The following MSRA variants were observed in gnomAD, a reference collection of about 807,000 sequenced individuals.
MSRA encodes the protein methionine sulfoxide reductase A.
Under a neutral mutation model 31.3 loss-of-function variants are expected in MSRA, and 54 were observed. The observed-to-expected ratio is 1.73, with a 90% CI of 1.39 to 2.17. The LOEUF is 2.17. Ranked by LOEUF, MSRA falls within the 30% of genes most tolerant of loss-of-function variation. The pLI, the probability that MSRA is intolerant of heterozygous loss-of-function variation, is 0.00. For synonymous variants in MSRA, 169 were observed against 116.5 expected (o/e 1.45, Z -2.90); for missense variants, 507 against 300.9 (o/e 1.69, Z -5.07).
At chr8:10,345,605 A>G (rs1563376111) in intron 5 of MSRA, among the ~76,000 whole-genome samples, 1 of 152,248 alleles carries the variant, frequency 6.6e-6, no homozygotes, top group Non-Finnish European at 1.5e-5. Context: ...ATTATTACAA[A>G]TAATAATTAT....
At chr8:10,142,452 ACTGCCCTTCAGTGGTTTAAGTGGAAAG>A (rs1251340430) in intron 1 of MSRA, among the ~76,000 whole-genome samples, 1 of 152,230 alleles carries the variant, frequency 6.6e-6, no homozygotes, top group Non-Finnish European at 1.5e-5. Context: ...TCTAGGCTGC[ACTGCCCTTCAGTGGTTTAAGTGGAAAG>A]CCATGGATCA....
At chr8:10,065,694 G>C (rs752557152) in intron 1 of MSRA, among the ~76,000 whole-genome samples, 8 of 152,238 alleles carry the variant, frequency 5.3e-5, no homozygotes, top group African/African-American at 1.9e-4. Context: ...ATTTATGAAA[G>C]AGCTGAAGTC....
intron 3 of MSRA, among the ~76,000 whole-genome samples, chr8:10,293,069 G>A (rs998985102): frequency 6.6e-5 from 10 of 152,146 alleles, no homozygotes; most frequent in African/African-American, 9.7e-5. Context: ...CTGAGCCTTG[G>A]CTTTCCTCTC....
At chr8:10,403,473 G>T (rs1006470424) in intron 5 of MSRA, among the ~76,000 whole-genome samples, 2 of 152,240 alleles carry the variant, frequency 1.3e-5, no homozygotes, top group African/African-American at 4.8e-5. Context: ...GGATGGCTAG[G>T]CCCTGGCTGG....
chr8:10,067,271 T>C (rs1437235281), intron 1 of MSRA, among the ~76,000 whole-genome samples: 1 of 152,212 alleles, frequency 6.6e-6, no homozygotes, highest in Non-Finnish European at 1.5e-5. Flanking sequence ...TGGAATTATA[T>C]AGTATATAGC....
At chr8:10,247,561 G>A (rs1296240573) in intron 3 of MSRA, among the ~76,000 whole-genome samples, 1 of 152,176 alleles carries the variant, frequency 6.6e-6, no homozygotes, top group Non-Finnish European at 1.5e-5. Context: ...GCCAGTTCAT[G>A]CAAACAGCTG....
At chr8:10,167,646 C>T (rs758772133) in intron 1 of MSRA, among the ~76,000 whole-genome samples, 3 of 152,218 alleles carry the variant, frequency 2.0e-5, no homozygotes, top group Non-Finnish European at 4.4e-5. Flanking sequence ...GAGGAGCGTA[C>T]TTAGCATCTT....
chr8:10,170,145 C>T (rs1805474206), intron 1 of MSRA, among the ~76,000 whole-genome samples: 1 of 151,128 alleles, frequency 6.6e-6, no homozygotes, highest in Non-Finnish European at 1.5e-5. Context: ...TTTGGCCTCC[C>T]AAAGTGCTGG....
At chr8:10,389,413 T>C (rs1806595238) in intron 5 of MSRA, among the ~76,000 whole-genome samples, 1 of 152,240 alleles carries the variant, frequency 6.6e-6, no homozygotes, top group Non-Finnish European at 1.5e-5. Context: ...CTTTGCAATA[T>C]TTTTTAAACG....
chr8:10,373,790 C>A (rs1805607860), intron 5 of MSRA, among the ~76,000 whole-genome samples: 1 of 152,212 alleles, frequency 6.6e-6, no homozygotes, highest in African/African-American at 2.4e-5. Flanking sequence ...ACTTTGGAGC[C>A]CAGCAGAGGA....
In MSRA at chr8:10,135,449, A is replaced by C. The variant is rs376790863; in HGVS notation, c.143-72384A>C. On this transcript the variant is annotated intron_variant, in intron 1 of 5. Transcript: ENST00000317173. ...AAGAAGTCATTTTATTGTGCTGAAAAACAGTGGAAGTAAAGTTACCAACGA... is the reference window on the plus strand; with the variant it reads ...AAGAAGTCATTTTATTGTGCTGAAACACAGTGGAAGTAAAGTTACCAACGA... Among the ~76,000 whole-genome samples the C allele has an allele frequency of 2.6e-5, 4 of 152,338 alleles. No homozygotes were observed. The East Asian group carries it at 5.8e-4, about 22-fold the overall frequency.
At chr8:10,176,602 C>T (rs570232489) in intron 1 of MSRA, among the ~76,000 whole-genome samples, 7 of 152,330 alleles carry the variant, frequency 4.6e-5, no homozygotes, top group African/African-American at 1.4e-4. Context: ...TTAACTTTTC[C>T]CCAAATACTG....
rs10089697 is a variant in MSRA, at chr8:10,257,857, G to A, written c.331+12634G>A. ...TTTTCTGACAGGACATGCTTGATGG[G>A]ACTGATGTCTCCAGCCAGGTCAGCG... On this transcript the variant is annotated intron_variant, in intron 3 of 5. Coordinates refer to ENST00000317173, the MANE Select transcript of MSRA (RefSeq NM_012331.5). 1.2e-4 allele frequency among the ~76,000 whole-genome samples: 19 copies of A among 152,274 alleles called. 1 individual carries two copies. The highest frequency in any genetic ancestry group is 4.6e-4 in the African/African-American group (19 of 41,570).
chr8:10,340,852 C>G (rs1281283393), intron 5 of MSRA, among the ~76,000 whole-genome samples: 2 of 152,254 alleles, frequency 1.3e-5, no homozygotes, highest in East Asian at 3.9e-4. Context: ...CTTCTCTGTT[C>G]ACTTGGTCCC....
intron 5 of MSRA, among the ~76,000 whole-genome samples, chr8:10,341,371 C>A (rs942302828): frequency 6.6e-6 from 1 of 152,064 alleles, no homozygotes; most frequent in Non-Finnish European, 1.5e-5. Context: ...AGGTGCCACA[C>A]GTTTTGAAAG....
chr8:10,198,115 GT>G (rs200612802), intron 1 of MSRA, among the ~76,000 whole-genome samples: 5 of 151,198 alleles, frequency 3.3e-5, no homozygotes, highest in Admixed American at 6.6e-5. Flanking sequence ...GTTGCTTTCA[GT>G]TTTTTTTTCT....
intron 1 of MSRA, among the ~76,000 whole-genome samples, chr8:10,058,753 A>G (rs1357242223): frequency 6.6e-6 from 1 of 152,230 alleles, no homozygotes; most frequent in African/African-American, 2.4e-5. Context: ...TACAGTGTGC[A>G]CTGTTAGCAA....
intron 2 of MSRA, among the ~76,000 whole-genome samples, chr8:10,240,395 C>T (rs753482785): frequency 2.0e-5 from 3 of 152,200 alleles, no homozygotes; most frequent in Non-Finnish European, 4.4e-5. Context: ...TTCCTGCATC[C>T]ATTACGCAGG....
chr8:10,383,473 T>A (rs1458764209), intron 5 of MSRA, among the ~76,000 whole-genome samples: 1 of 152,194 alleles, frequency 6.6e-6, no homozygotes, highest in African/African-American at 2.4e-5. Flanking sequence ...TTCAATTTGG[T>A]TCCTGCGGCT....
Sources: allele counts gnomAD v4.1 joint callset (sites outside exome capture counted in the v4.1 genomes callset), GRCh38; gene constraint gnomAD v4.1.1; transcripts MANE v1.5; gene names NCBI Gene and HGNC (gene_info 2026-07-23, HGNC 2026-07-21).